ELMO1: variants seen among roughly 807,000 people sequenced by gnomAD.
ELMO1 encodes engulfment and cell motility 1.
Under a neutral mutation model 98.9 loss-of-function variants are expected in ELMO1, and 26 were observed. That is an observed-to-expected ratio of 0.26 (90% CI 0.19 to 0.36). ELMO1 has a LOEUF of 0.36. Among genes scored for constraint, ELMO1 ranks in the 10% least tolerant of loss-of-function variants. The pLI is 1.00. For missense variants in ELMO1, 627 were observed against 935.2 expected (o/e 0.67, Z 4.30); for synonymous variants, 346 against 346.0 (o/e 1.00, Z 0.00).
intron 4 of ELMO1, among the ~76,000 whole-genome samples, chr7:37,295,777 T>G (rs1797996998): frequency 6.6e-6 from 1 of 152,154 alleles, no homozygotes. Context: ...CATTAATATG[T>G]TTTTTGAGCT....
chr7:37,081,391 AT>A (rs1797859197), intron 15 of ELMO1, among the ~76,000 whole-genome samples: 2 of 152,242 alleles, frequency 1.3e-5, no homozygotes, highest in South Asian at 4.1e-4. Flanking sequence ...TAATATGCGT[AT>A]TAGTTCATTT....
At chr7:37,386,456 C>T (rs1802805632) in intron 1 of ELMO1, among the ~76,000 whole-genome samples, 1 of 151,998 alleles carries the variant, frequency 6.6e-6, no homozygotes, top group Non-Finnish European at 1.5e-5. Context: ...CAGAGCCTCC[C>T]ACAGACCCTC....
At chr7:36,861,024 G>A (rs1010169485) in intron 21 of ELMO1, among the ~76,000 whole-genome samples, 1 of 152,176 alleles carries the variant, frequency 6.6e-6, no homozygotes, top group African/African-American at 2.4e-5. Flanking sequence ...AAAAATAAAA[G>A]TTTCAAGCAT....
At chr7:36,941,354 G>C (rs1787017401) in intron 16 of ELMO1, among the ~76,000 whole-genome samples, 1 of 152,208 alleles carries the variant, frequency 6.6e-6, no homozygotes, top group Admixed American at 6.5e-5. Flanking sequence ...GAATTCCTTA[G>C]ATCAGTGTTT....
chr7:37,138,649 G>A (rs1000996738), intron 13 of ELMO1, among the ~76,000 whole-genome samples: 5 of 152,170 alleles, frequency 3.3e-5, no homozygotes, highest in Admixed American at 6.5e-5. Context: ...AGACATTCAA[G>A]TAAGAATTAG....
chr7:37,338,151 C>T (rs1800522992), intron 2 of ELMO1, among the ~76,000 whole-genome samples: 1 of 152,160 alleles, frequency 6.6e-6, no homozygotes, highest in African/African-American at 2.4e-5. Flanking sequence ...AGCTATGCAA[C>T]ATGCTACACT....
intron 15 of ELMO1, among the ~76,000 whole-genome samples, chr7:37,059,869 A>G (rs967733097): frequency 3.3e-5 from 5 of 152,222 alleles, no homozygotes; most frequent in Non-Finnish European, 4.4e-5. Context: ...TGATAAATAA[A>G]TGACTTGCCC....
intron 13 of ELMO1, among the ~76,000 whole-genome samples, chr7:37,153,484 C>G (rs142319627): frequency 0.012 from 1,887 of 152,304 alleles, 20 homozygotes; most frequent in Non-Finnish European, 0.019. Flanking sequence ...AGGAGATTCC[C>G]TCCTGTGCCT....
chr7:37,035,954 C>T (rs540209609), intron 15 of ELMO1, among the ~76,000 whole-genome samples: 1 of 152,114 alleles, frequency 6.6e-6, no homozygotes, highest in Non-Finnish European at 1.5e-5. Context: ...TAACACTGCA[C>T]CTTTGCATTT....
chr7:37,192,484 C>G lies in ELMO1; in HGVS notation c.1086+18902G>C, dbSNP rs1262186077. Among the ~76,000 whole-genome samples, 5 of 103,104 alleles carry G rather than the reference C, an allele frequency of 4.8e-5. No individual in the cohort carries two copies. The East Asian group carries it at 1.6e-3, about 32-fold the overall frequency. The allele number at this position is 103,104 out of a possible 152,430, so 67.6% of individuals were successfully genotyped here. A position where few individuals can be genotyped will look rare whatever the true frequency, so the allele number is the denominator to read the frequency against. ...AACTCCATCCAGCCTGGCAACAGAG[C>G]AAGACTCCATCTCAAAAAAAAAAAA... is the stretch of plus-strand genomic sequence containing the variant. On this transcript the variant is annotated intron_variant, in intron 13 of 21. Coordinates refer to ENST00000310758, the MANE Select transcript of ELMO1 (RefSeq NM_014800.11).
chr7:36,938,698 G>C (rs559122082), intron 16 of ELMO1, among the ~76,000 whole-genome samples: 2 of 152,306 alleles, frequency 1.3e-5, no homozygotes, highest in Admixed American at 1.3e-4. Context: ...TGAGCTAAGA[G>C]GGCCTTTATT....
chr7:36,863,927 A>T (rs558446773), intron 20 of ELMO1, among the ~76,000 whole-genome samples: 99 of 152,354 alleles, frequency 6.5e-4, no homozygotes, highest in African/African-American at 2.3e-3. Flanking sequence ...TCTTAGAGTC[A>T]TTTATTAGGA....
intron 14 of ELMO1, among the ~76,000 whole-genome samples, chr7:37,097,003 A>G (rs956023937): frequency 2.4e-4 from 37 of 152,208 alleles, no homozygotes; most frequent in Admixed American, 2.4e-3. Context: ...GTTTTGGAAT[A>G]GTACAATAAA....
chr7:37,342,692 G>GT lies in ELMO1; in HGVS notation c.-3dup. On this transcript the variant is annotated 5_prime_UTR_variant, in exon 2 of 22. Coordinates refer to ENST00000310758, the MANE Select transcript of ELMO1 (RefSeq NM_014800.11). The surrounding 1 kb of genome is among the most constrained non-coding windows in gnomAD (Gnocchi z 4.3). Reference sequence around the variant, plus strand: ...GACGATGTCCGCGGGTGGCGGCATTGTAAGTCCCCAAAATGTTCAAAGCCA... The same window carrying GT: ...GACGATGTCCGCGGGTGGCGGCATTGTTAAGTCCCCAAAATGTTCAAAGCCA... 6.2e-7 allele frequency: 1 copy of GT among 1,609,810 alleles called. No homozygotes were observed. The highest frequency in any genetic ancestry group is 1.1e-5 in the South Asian group (1 of 90,650).
At chr7:37,355,106 C>G (rs1405820555) in intron 1 of ELMO1, among the ~76,000 whole-genome samples, 1 of 152,190 alleles carries the variant, frequency 6.6e-6, no homozygotes, top group African/African-American at 2.4e-5. Context: ...GCCTGACGTC[C>G]TTATTCCCAG....
intron 13 of ELMO1, among the ~76,000 whole-genome samples, chr7:37,183,273 C>T (rs1044838729): frequency 6.6e-6 from 1 of 152,200 alleles, no homozygotes; most frequent in Non-Finnish European, 1.5e-5. Flanking sequence ...CAACTAAATA[C>T]ATCAAACAAA....
At chr7:37,443,316 G>A (rs1430902967) in intron 1 of ELMO1, among the ~76,000 whole-genome samples, 1 of 152,162 alleles carries the variant, frequency 6.6e-6, no homozygotes, top group Non-Finnish European at 1.5e-5. Context: ...CAAAACTGTA[G>A]CCTCAATTCC....
At chr7:37,064,308 T>C (rs75319725) in intron 15 of ELMO1, among the ~76,000 whole-genome samples, 1,741 of 152,246 alleles carry the variant, frequency 0.011, 14 homozygotes, top group East Asian at 0.041. Context: ...ATAGAGAAAA[T>C]TGAACCATTG....
intron 1 of ELMO1, among the ~76,000 whole-genome samples, chr7:37,440,989 G>C (rs1446766681): frequency 6.6e-6 from 1 of 151,450 alleles, no homozygotes; most frequent in African/African-American, 2.4e-5. Flanking sequence ...TTGGGCTAAA[G>C]AGACCAAAAA....
Sources: allele counts gnomAD v4.1 joint callset (sites outside exome capture counted in the v4.1 genomes callset), GRCh38; gene constraint gnomAD v4.1.1; non-coding constraint Gnocchi (gnomAD v3.1); transcripts MANE v1.5; gene names NCBI Gene and HGNC (gene_info 2026-07-23, HGNC 2026-07-21).